Variants in KIRREL1 observed in about 807,000 individuals in gnomAD.
The protein encoded by KIRREL1 is kin of IRRE-like protein 1.
KIRREL1 carries 25 observed loss-of-function variants against 83.3 expected under a neutral mutation model. The ratio of observed to expected loss-of-function variants is 0.30; its 90% CI spans 0.22 to 0.42. The LOEUF is 0.42. KIRREL1 is among the 10% of genes least tolerant of loss of function. The pLI, the probability that KIRREL1 is intolerant of heterozygous loss-of-function variation, is 1.00. For synonymous variants in KIRREL1, 388 were observed against 410.4 expected (o/e 0.95, Z 0.66); for missense variants, 812 against 1,032.3 (o/e 0.79, Z 2.92).
At chr1:157,998,486 G>A (rs1257243047) in intron 1 of KIRREL1, among the ~76,000 whole-genome samples, 1 of 152,076 alleles carries the variant, frequency 6.6e-6, no homozygotes, top group African/African-American at 2.4e-5. Context: ...CAAGGACTTG[G>A]CAAATAAAAA....
intron 1 of KIRREL1, among the ~76,000 whole-genome samples, chr1:158,041,083 C>T (rs1377712416): frequency 6.6e-6 from 1 of 152,078 alleles, no homozygotes; most frequent in Non-Finnish European, 1.5e-5. Context: ...CTATTATGTG[C>T]CAGGCACTCC....
chr1:158,074,626 G>A (rs1181922266), intron 1 of KIRREL1, among the ~76,000 whole-genome samples: 1 of 152,142 alleles, frequency 6.6e-6, no homozygotes, highest in Non-Finnish European at 1.5e-5. Context: ...CGAGTGACGC[G>A]ACCGGTTATA....
At chr1:158,080,428 C>T (rs1661815449) in intron 3 of KIRREL1, among the ~76,000 whole-genome samples, 1 of 152,080 alleles carries the variant, frequency 6.6e-6, no homozygotes, top group Admixed American at 6.6e-5. Flanking sequence ...TGGAAGAGTG[C>T]CTTGTTTAAA....
intron 1 of KIRREL1, among the ~76,000 whole-genome samples, chr1:158,050,559 C>T (rs988942312): frequency 1.3e-5 from 2 of 152,064 alleles, no homozygotes; most frequent in African/African-American, 2.4e-5. Context: ...TAGAATGTGC[C>T]CATTAAAGCC....
In KIRREL1 at chr1:158,094,490, A is replaced by C; in HGVS notation, c.1797+100A>C. 1 of 1,338,126 alleles carries C rather than the reference A, an allele frequency of 7.5e-7. No homozygotes were observed. Among genetic ancestry groups the C allele is most frequent in the South Asian group, 1.2e-5 (1 of 83,998 alleles). 82.9% of individuals were successfully genotyped at this position (1,338,126 alleles called of 1,614,324 possible). A position where few individuals can be genotyped will look rare whatever the true frequency, so the allele number is the denominator to read the frequency against. On this transcript the variant is annotated intron_variant, in intron 14 of 14. Coordinates refer to ENST00000359209, the MANE Select transcript of KIRREL1 (RefSeq NM_018240.7). This position sits in a 1 kb window ranked among gnomAD's most constrained non-coding sequence, Gnocchi z 4.6. ...TGAGGTGAGGACAGACTTGGGGAGG[A>C]GTGGTTGGGAGGGTTTTTGAAGGAG... is the stretch of plus-strand genomic sequence containing the variant.
chr1:158,088,239 T>A (rs1392751786), intron 7 of KIRREL1, 85 bp downstream of exon 7: 2 of 1,604,918 alleles, frequency 1.2e-6, no homozygotes, highest in Non-Finnish European at 8.5e-7. Context: ...GCTCCATGAA[T>A]GGGGAGGTAG....
intron 1 of KIRREL1, among the ~76,000 whole-genome samples, chr1:158,002,792 C>CG (rs1659403184): frequency 6.6e-6 from 1 of 152,046 alleles, no homozygotes; most frequent in South Asian, 2.1e-4. Context: ...TCAGGGGCTG[C>CG]GGGGCCTCTG....
At chr1:158,002,189 T>C (rs571060249) in intron 1 of KIRREL1, among the ~76,000 whole-genome samples, 1 of 152,154 alleles carries the variant, frequency 6.6e-6, no homozygotes, top group Non-Finnish European at 1.5e-5. Flanking sequence ...CAGTATAAGA[T>C]AAAGATGCCT....
In KIRREL1 at chr1:158,098,814, C is replaced by G. The variant is rs1662419731; in HGVS notation, c.*3694C>G. On this transcript the variant is annotated 3_prime_UTR_variant, in exon 15 of 15. Coordinates refer to ENST00000359209, the MANE Select transcript of KIRREL1 (RefSeq NM_018240.7). Reference sequence around the variant, plus strand: ...GCGGTACGCTCTCCCCTTATTCCAGCAGGGCTACTTTCCTCTTCACTCTGA... The same window carrying G: ...GCGGTACGCTCTCCCCTTATTCCAGGAGGGCTACTTTCCTCTTCACTCTGA... The G allele has an allele frequency of 6.6e-6, 1 of 152,234 alleles. No homozygotes were observed. The highest frequency in any genetic ancestry group is 1.5e-5 in the Non-Finnish European group (1 of 68,056). 9.4% of individuals were successfully genotyped at this position (152,234 alleles called of 1,614,324 possible).
At chr1:158,023,870 C>T (rs1660075810) in intron 1 of KIRREL1, among the ~76,000 whole-genome samples, 1 of 152,166 alleles carries the variant, frequency 6.6e-6, no homozygotes, top group African/African-American at 2.4e-5. Flanking sequence ...GTCCTGTTGT[C>T]AAATATCTTG....
At chr1:158,064,595 T>C (rs1403355019) in intron 1 of KIRREL1, among the ~76,000 whole-genome samples, 2 of 152,244 alleles carry the variant, frequency 1.3e-5, no homozygotes, top group East Asian at 1.9e-4. Flanking sequence ...CCTCTAGTGA[T>C]GGGAAGCCTC....
chr1:158,089,595 G>A lies in KIRREL1; in HGVS notation c.1138G>A (p.Val380Met), dbSNP rs1324098236. 2 of 1,613,930 alleles carry A rather than the reference G, an allele frequency of 1.2e-6. No individual in the cohort carries two copies. Among genetic ancestry groups the A allele is most frequent in the Non-Finnish European group, 1.7e-6 (2 of 1,179,876 alleles). Residue 380 changes from valine to methionine, a missense_variant, in exon 9 of 15, where the codon GTG becomes ATG. By Grantham distance (21) the Val-to-Met change is conservative. Around this residue, in one of 3 missense-constraint regions of KIRREL1, gnomAD observed 472 missense variants for 626.8 expected, o/e 0.75. Transcript: ENST00000359209. Reference sequence around the variant, plus strand: ...CCGGGCCATCGTGCCTCGAATCGGAGTGGCTGAGCGGGAGGTGCCGCTCTA... The same window carrying A: ...CCGGGCCATCGTGCCTCGAATCGGAATGGCTGAGCGGGAGGTGCCGCTCTA... The part of the protein sequence containing the change: ...TCRAIVPRIG[V>M]AEREVPLYVN...
chr1:158,069,111 C>T (rs1324295651), intron 1 of KIRREL1, among the ~76,000 whole-genome samples: 3 of 152,128 alleles, frequency 2.0e-5, no homozygotes, highest in African/African-American at 7.2e-5. Context: ...TCCGGGCTGG[C>T]CTGGCAGCCC....
At chr1:158,010,452 C>CACACAG in intron 1 of KIRREL1, among the ~76,000 whole-genome samples, 1 of 149,276 alleles carries the variant, frequency 6.7e-6, no homozygotes, top group Admixed American at 6.7e-5. Flanking sequence ...CACACACACA[C>CACACAG]ACACACACTG....
Position 158,094,212 on chromosome 1 carries a change from C to T in KIRREL1, c.1720-101C>T, listed in dbSNP as rs898688992. Reference sequence around the variant, plus strand: ...TCAAGTCTGCCCTTGACCTCAGACCCCACCCATGAGCAGGTGGCCTCTGAG... The same window carrying T: ...TCAAGTCTGCCCTTGACCTCAGACCTCACCCATGAGCAGGTGGCCTCTGAG... On this transcript the variant is annotated intron_variant, in intron 13 of 14. Transcript: ENST00000359209. The surrounding 1 kb of genome is among the most constrained non-coding windows in gnomAD (Gnocchi z 4.6). The T allele has an allele frequency of 5.9e-5, 58 of 985,664 alleles. No homozygotes were observed. The highest frequency in any genetic ancestry group is 8.7e-5 in the Non-Finnish European group (55 of 631,874). The allele number at this position is 985,664 out of a possible 1,614,324, so 61.1% of individuals were successfully genotyped here.
chr1:158,088,373 T>C lies in KIRREL1; in HGVS notation c.963T>C (p.Ile321=), dbSNP rs1260676945. The part of the protein sequence containing the change: ...VVDPKPTTTD[I]GSDVTLTCVW... Reference sequence around the variant, plus strand: ...ACCCCAAACCCACAACCACAGACATTGGCTCTGATGTGACCCTTACCTGTG... The same window carrying C: ...ACCCCAAACCCACAACCACAGACATCGGCTCTGATGTGACCCTTACCTGTG... The change falls in exon 8 of 15, where the codon ATT becomes ATC. Residue 321 remains isoleucine, a synonymous_variant. Coordinates refer to ENST00000359209, the MANE Select transcript of KIRREL1 (RefSeq NM_018240.7). 11 of 1,613,888 alleles carry C rather than the reference T, an allele frequency of 6.8e-6. No individual in the cohort carries two copies. The highest frequency in any genetic ancestry group is 8.5e-6 in the Non-Finnish European group (10 of 1,179,974).
At chr1:158,033,956 G>C (rs1189414668) in intron 1 of KIRREL1, among the ~76,000 whole-genome samples, 1 of 151,500 alleles carries the variant, frequency 6.6e-6, no homozygotes, top group African/African-American at 2.4e-5. Context: ...TCCAGCCTGG[G>C]CAACAAAATG....
intron 8 of KIRREL1, among the ~76,000 whole-genome samples, chr1:158,089,210 C>G (rs888270110): frequency 1.3e-5 from 2 of 152,158 alleles, no homozygotes; most frequent in Non-Finnish European, 2.9e-5. Flanking sequence ...AATGAAAACA[C>G]TAGAACAGAT....
chr1:158,016,336 C>T (rs533906438), intron 1 of KIRREL1, among the ~76,000 whole-genome samples: 14 of 151,828 alleles, frequency 9.2e-5, no homozygotes, highest in Admixed American at 7.9e-4. Context: ...AAAATGTCAA[C>T]TACTATTTTA....
Sources: allele counts gnomAD v4.1 joint callset (sites outside exome capture counted in the v4.1 genomes callset), GRCh38; gene constraint gnomAD v4.1.1; regional missense constraint gnomAD v4.1.1; non-coding constraint Gnocchi (gnomAD v3.1); transcripts MANE v1.5; gene names NCBI Gene and HGNC (gene_info 2026-07-23, HGNC 2026-07-21).